Variants in CNOT10 observed in about 807,000 individuals in gnomAD.
CNOT10 encodes the protein CCR4-NOT transcription complex, subunit 10.
A neutral mutation model predicts 94.6 loss-of-function variants in CNOT10; 30 were observed. That is an observed-to-expected ratio of 0.32 (90% confidence interval 0.24 to 0.43). CNOT10 has a LOEUF of 0.43. CNOT10 is among the 20% of genes least tolerant of loss of function. The pLI is 1.00. For missense variants in CNOT10, 759 were observed against 877.2 expected (o/e 0.87, Z 1.70); for synonymous variants, 289 against 301.6 (o/e 0.96, Z 0.43).
At chr3:32,704,400 A>C (rs1406131518) in intron 2 of CNOT10, among the ~76,000 whole-genome samples, 1 of 152,132 alleles carries the variant, frequency 6.6e-6, no homozygotes, top group South Asian at 2.1e-4. Flanking sequence ...ATGAAAGAAA[A>C]CCTTATTTGG....
chr3:32,708,918 G>GC, intron 4 of CNOT10, 98 bp downstream of exon 4: 1 of 911,998 alleles, frequency 1.1e-6, no homozygotes, highest in South Asian at 2.1e-5. Context: ...AGAAGTCCAT[G>GC]CCAGTATTCA....
chr3:32,715,228 C>A (rs1317148344), intron 5 of CNOT10, among the ~76,000 whole-genome samples: 2 of 151,960 alleles, frequency 1.3e-5, no homozygotes, highest in Admixed American at 6.6e-5. Context: ...TGGTCATGGA[C>A]AAGGAGGAAA....
At chr3:32,761,733 T>TC (rs1171365776) in intron 14 of CNOT10, among the ~76,000 whole-genome samples, 1 of 151,672 alleles carries the variant, frequency 6.6e-6, no homozygotes, top group Non-Finnish European at 1.5e-5. Context: ...TTTCTTTTTT[T>TC]TTTTTTTTTC....
intron 1 of CNOT10, among the ~76,000 whole-genome samples, chr3:32,694,950 C>T (rs968586492): frequency 6.6e-6 from 1 of 152,162 alleles, no homozygotes; most frequent in Non-Finnish European, 1.5e-5. Context: ...GTCTCAAACT[C>T]CTGACCCCAG....
chr3:32,711,788 G>A (rs1439985660), intron 4 of CNOT10, among the ~76,000 whole-genome samples: 1 of 152,192 alleles, frequency 6.6e-6, no homozygotes, highest in African/African-American at 2.4e-5. Flanking sequence ...CTGGAGCTAG[G>A]TAAGGAGGAT....
intron 13 of CNOT10, chr3:32,753,098 G>C: frequency 1.8e-6 from 1 of 541,944 alleles, no homozygotes; most frequent in South Asian, 1.6e-5. Flanking sequence ...CTGTGTTGCT[G>C]TTGCTGATGC....
intron 7 of CNOT10, among the ~76,000 whole-genome samples, chr3:32,719,437 A>G (rs563142288): frequency 3.9e-5 from 6 of 152,240 alleles, no homozygotes; most frequent in African/African-American, 9.6e-5. Flanking sequence ...CAATCACTCA[A>G]TCAGGATTCC....
At chr3:32,724,425 T>G (rs1179786952) in intron 8 of CNOT10, among the ~76,000 whole-genome samples, 4 of 150,276 alleles carry the variant, frequency 2.7e-5, no homozygotes, top group African/African-American at 4.9e-5. Flanking sequence ...TTTTTTTTTT[T>G]TTTTTGAGAC....
rs1553626981 is a variant in CNOT10 at position 32,687,439 on chromosome 3, G to GTTTTTTTTTTTGTTTTT, written c.22+1968_22+1969insGTTTTTTTTTTTTTTTT. Among the ~76,000 whole-genome samples the GTTTTTTTTTTTGTTTTT allele has an allele frequency of 4.9e-3, 253 of 51,306 alleles. 68 individuals are homozygous for GTTTTTTTTTTTGTTTTT. Among genetic ancestry groups the GTTTTTTTTTTTGTTTTT allele is most frequent in the Admixed American group, 7.4e-3 (21 of 2,830 alleles). 33.7% of individuals were successfully genotyped at this position (51,306 alleles called of 152,430 possible). On this transcript the variant is annotated intron_variant, in intron 1 of 18. Transcript: ENST00000328834. ...TTCTTTCTCCTTTTAAGTCCTCACGGTTTTTTTTTTTTGTTTTTTTTTTTT... is the reference window on the plus strand; with the variant it reads ...TTCTTTCTCCTTTTAAGTCCTCACGGTTTTTTTTTTTGTTTTTTTTTTTTTTTTTGTTTTTTTTTTTT...
intron 13 of CNOT10, among the ~76,000 whole-genome samples, chr3:32,759,130 A>ATAGT (rs370754709): frequency 6.7e-6 from 1 of 149,524 alleles, no homozygotes; most frequent in Non-Finnish European, 1.5e-5. Context: ...ATATATATAT[A>ATAGT]GTGTGTGTGT....
intron 13 of CNOT10, among the ~76,000 whole-genome samples, chr3:32,750,564 T>G (rs1210004578): frequency 2.6e-5 from 4 of 152,152 alleles, no homozygotes; most frequent in African/African-American, 9.7e-5. Flanking sequence ...TCTTTTTCTT[T>G]TTTTTTGAGA....
chr3:32,736,275 T>C (rs1335759530), intron 12 of CNOT10, among the ~76,000 whole-genome samples: 2 of 152,016 alleles, frequency 1.3e-5, no homozygotes, highest in Non-Finnish European at 2.9e-5. Context: ...TTAGTAGAGA[T>C]AGGGTTTTGC....
intron 14 of CNOT10, among the ~76,000 whole-genome samples, chr3:32,761,294 T>C (rs1178184392): frequency 6.6e-6 from 1 of 152,198 alleles, no homozygotes; most frequent in African/African-American, 2.4e-5. Flanking sequence ...TAAAGTACCT[T>C]CCGTCCTTAT....
chr3:32,697,313 G>A (rs1697120354), intron 1 of CNOT10, among the ~76,000 whole-genome samples: 1 of 152,142 alleles, frequency 6.6e-6, no homozygotes, highest in Non-Finnish European at 1.5e-5. Flanking sequence ...ACTTTTAGTG[G>A]AGAATAGAAG....
At chr3:32,711,344 A>T (rs947130492) in intron 4 of CNOT10, among the ~76,000 whole-genome samples, 1 of 152,192 alleles carries the variant, frequency 6.6e-6, no homozygotes, top group Non-Finnish European at 1.5e-5. Flanking sequence ...TAAATTACTT[A>T]TAATACCTAA....
At chr3:32,743,025 T>C (rs7609735) in intron 13 of CNOT10, among the ~76,000 whole-genome samples, 145,494 of 147,542 alleles carry the variant, frequency 0.99, 71,780 homozygotes, top group South Asian at 1. Context: ...TTGCCCTTGT[T>C]CCCCAGGCTG....
Position 32,754,489 on chromosome 3 carries a change from AATACAT to A in CNOT10, c.1596-4965_1596-4960del, listed in dbSNP as rs1403107692. Among the ~76,000 whole-genome samples the A allele has an allele frequency of 2.8e-5, 2 of 70,214 alleles. 1 individual carries two copies. Among genetic ancestry groups the A allele is most frequent in the African/African-American group, 1.5e-4 (2 of 13,034 alleles). The allele number at this position is 70,214 out of a possible 152,430, so 46.1% of individuals were successfully genotyped here. Reference sequence around the variant, plus strand: ...AAGACTCCGTCTCAAAAAAAAAAAAAATACATATATATATATATATTTATTTTACTT... The same window carrying A: ...AAGACTCCGTCTCAAAAAAAAAAAAAATATATATATATATTTATTTTACTT... On this transcript the variant is annotated intron_variant, in intron 13 of 18. Coordinates refer to ENST00000328834, the MANE Select transcript of CNOT10 (RefSeq NM_015442.3).
intron 13 of CNOT10, among the ~76,000 whole-genome samples, chr3:32,754,489 A>AAT (rs1553637888): frequency 0.015 from 1,021 of 70,148 alleles, 110 homozygotes; most frequent in African/African-American, 0.043. Flanking sequence ...AAAAAAAAAA[A>AAT]ATACATATAT....
chr3:32,770,052 C>A, intron 18 of CNOT10, 90 bp downstream of exon 18: 1 of 983,246 alleles, frequency 1.0e-6, no homozygotes, highest in Non-Finnish European at 1.6e-6. Context: ...GTTGCCCAGG[C>A]TGGAGTGCAG....
Sources: allele counts gnomAD v4.1 joint callset (sites outside exome capture counted in the v4.1 genomes callset), GRCh38; gene constraint gnomAD v4.1.1; transcripts MANE v1.5; gene names NCBI Gene and HGNC (gene_info 2026-07-23, HGNC 2026-07-21).